The following PREX2 variants were observed in gnomAD, a reference collection of about 807,000 sequenced individuals.
The protein encoded by PREX2 is phosphatidylinositol-3,4,5-trisphosphate dependent Rac exchange factor 2.
In PREX2, 107 loss-of-function variants were observed where a neutral mutation model predicts 203.2. The ratio of observed to expected loss-of-function variants is 0.53; its 90% CI spans 0.45 to 0.62. The LOEUF is 0.62. Ranked by LOEUF, PREX2 falls within the 20% of genes least tolerant of loss-of-function variation. The pLI, the probability that PREX2 is intolerant of heterozygous loss-of-function variation, is 0.00. For missense variants in PREX2, 1,777 were observed against 1,955.9 expected (o/e 0.91, Z 1.72); for synonymous variants, 672 against 663.6 (o/e 1.01, Z -0.19).
Position 68,096,915 on chromosome 8 carries a change from C to T in PREX2, c.2369-102C>T, listed in dbSNP as rs955191574. ...TTTAACACATCAGATTTAACCATCC[C>T]TTAAAGAACTCTTTAAAAATTATTT... On this transcript the variant is annotated intron_variant, in intron 21 of 39. Coordinates refer to ENST00000288368, the MANE Select transcript of PREX2 (RefSeq NM_024870.4). The T allele has an allele frequency of 6.5e-6, 6 of 923,084 alleles. No homozygotes were observed. In the African/African-American group the frequency reaches 8.4e-5, roughly 13 times the overall value. 57.2% of individuals were successfully genotyped at this position (923,084 alleles called of 1,614,324 possible).
chr8:68,172,443 G>A (rs1811897089), intron 35 of PREX2, among the ~76,000 whole-genome samples: 1 of 152,162 alleles, frequency 6.6e-6, no homozygotes, highest in Non-Finnish European at 1.5e-5. Context: ...ATTGCTGCTT[G>A]CCAAGAACAT....
intron 18 of PREX2, among the ~76,000 whole-genome samples, chr8:68,086,177 A>G (rs1362047132): frequency 1.3e-5 from 2 of 152,232 alleles, no homozygotes; most frequent in East Asian, 1.9e-4. Flanking sequence ...TCCCACATAC[A>G]TACAGATAAC....
At chr8:68,177,277 G>A (rs1182627040) in intron 35 of PREX2, 1 of 152,198 alleles carries the variant, frequency 6.6e-6, no homozygotes, top group Non-Finnish European at 1.5e-5. Context: ...AAAAGTTGTG[G>A]CCAGGTGCGG....
At chr8:68,137,837 C>T (rs1327890211) in intron 32 of PREX2, among the ~76,000 whole-genome samples, 1 of 152,110 alleles carries the variant, frequency 6.6e-6, no homozygotes, top group Non-Finnish European at 1.5e-5. Context: ...ATCTGTTACT[C>T]ACAAGATTCT....
chr8:67,960,584 G>A (rs1409491997), intron 1 of PREX2, among the ~76,000 whole-genome samples: 2 of 152,140 alleles, frequency 1.3e-5, no homozygotes, highest in Non-Finnish European at 2.9e-5. Flanking sequence ...AGCCACCAGG[G>A]AGGGATGGCT....
intron 37 of PREX2, among the ~76,000 whole-genome samples, chr8:68,200,262 C>T (rs1423521635): frequency 6.6e-6 from 1 of 151,938 alleles, no homozygotes; most frequent in Non-Finnish European, 1.5e-5. Flanking sequence ...GAAAATACTA[C>T]AATAACAGGG....
intron 39 of PREX2, among the ~76,000 whole-genome samples, chr8:68,227,164 G>A (rs1813071841): frequency 6.6e-6 from 1 of 152,130 alleles, no homozygotes; most frequent in South Asian, 2.1e-4. Context: ...ACATCAGGAT[G>A]GCCCATTTGA....
intron 38 of PREX2, chr8:68,220,261 A>G (rs1452652964): frequency 6.6e-6 from 1 of 152,170 alleles, no homozygotes; most frequent in East Asian, 1.9e-4. Flanking sequence ...AGAGAAGGGT[A>G]CTATGTTTTC....
chr8:68,221,349 T>A (rs1812950163), intron 38 of PREX2, among the ~76,000 whole-genome samples: 1 of 152,144 alleles, frequency 6.6e-6, no homozygotes, highest in Admixed American at 6.5e-5. Context: ...ACAGTTTGAG[T>A]CCCAACTTCA....
intron 34 of PREX2, among the ~76,000 whole-genome samples, chr8:68,152,576 T>C (rs2217788): frequency 0.43 from 64,856 of 151,862 alleles, 13,988 homozygotes; most frequent in African/African-American, 0.46. Context: ...TTGCAAGGAT[T>C]TCACACACCA....
intron 39 of PREX2, among the ~76,000 whole-genome samples, chr8:68,228,394 G>A (rs1813092776): frequency 6.6e-6 from 1 of 151,954 alleles, no homozygotes; most frequent in Non-Finnish European, 1.5e-5. Context: ...AGGCTGAGGT[G>A]AGAGGATTGC....
At chr8:68,183,915 T>G (rs896528903) in intron 35 of PREX2, among the ~76,000 whole-genome samples, 1 of 152,118 alleles carries the variant, frequency 6.6e-6, no homozygotes. Context: ...TCTAGCAGGT[T>G]TTTTAAACAC....
chr8:68,167,075 T>C (rs1346328692), intron 35 of PREX2, among the ~76,000 whole-genome samples: 1 of 152,240 alleles, frequency 6.6e-6, no homozygotes, highest in African/African-American at 2.4e-5. Context: ...ACATCATTGC[T>C]GTAGCAATTT....
chr8:67,958,126 G>A (rs977811278), intron 1 of PREX2, among the ~76,000 whole-genome samples: 1 of 152,172 alleles, frequency 6.6e-6, no homozygotes, highest in African/African-American at 2.4e-5. Context: ...ATCAATTTCT[G>A]CTTAAGCCAT....
chr8:68,080,671 C>T, intron 16 of PREX2, 75 bp from the exon 17 acceptor site: 1 of 1,428,878 alleles, frequency 7.0e-7, no homozygotes, highest in Non-Finnish European at 9.7e-7. Context: ...CGGTGATGCA[C>T]ATTACTTCGT....
intron 35 of PREX2, among the ~76,000 whole-genome samples, chr8:68,186,759 AC>A (rs1299812800): frequency 6.6e-6 from 1 of 152,074 alleles, no homozygotes; most frequent in African/African-American, 2.4e-5. Context: ...TGATCCACCC[AC>A]CTCAGCCTCC....
In PREX2 at chr8:68,129,075, G is replaced by A. The variant is rs535754442; in HGVS notation, c.3766+1656G>A. On this transcript the variant is annotated intron_variant, in intron 31 of 39. Coordinates refer to ENST00000288368, the MANE Select transcript of PREX2 (RefSeq NM_024870.4). ...TGGATCCCCACAACCCACTATGTGA[G>A]AATATTATTGTTTCCACAGTTTTAA... Among the ~76,000 whole-genome samples, 4 of 152,288 alleles carry A rather than the reference G, an allele frequency of 2.6e-5. No homozygotes were observed. In the East Asian group the frequency reaches 7.7e-4, roughly 29 times the overall value.
intron 1 of PREX2, among the ~76,000 whole-genome samples, chr8:67,976,425 CAG>C (rs1372169494): frequency 8.0e-6 from 1 of 124,340 alleles, no homozygotes. Flanking sequence ...AGGAGAGAGA[CAG>C]AGAGAGAGAT....
chr8:68,018,141 T>C (rs1477388841), intron 2 of PREX2, among the ~76,000 whole-genome samples: 1 of 151,900 alleles, frequency 6.6e-6, no homozygotes, highest in Non-Finnish European at 1.5e-5. Context: ...GTTTTTTTTT[T>C]CAACCAAGGC....
Sources: gnomAD v4.1 joint callset for allele counts (sites outside exome capture counted in the v4.1 genomes callset) on GRCh38, gnomAD v4.1.1 for gene constraint, MANE v1.5 for transcripts, NCBI Gene and HGNC (gene_info 2026-07-23, HGNC 2026-07-21) for gene names.